DCHS1: variants seen among roughly 807,000 people sequenced by gnomAD.
The protein encoded by DCHS1 is dachsous cadherin-related 1.
Under a neutral mutation model 213.9 loss-of-function variants are expected in DCHS1, and 78 were observed. The ratio of observed to expected loss-of-function variants is 0.36; its 90% CI spans 0.30 to 0.44. The LOEUF (loss-of-function observed/expected upper bound fraction) is 0.44, where lower values mean the gene tolerates loss of function less well. DCHS1 is among the 20% of genes least tolerant of loss of function. The pLI, the probability that DCHS1 is intolerant of heterozygous loss-of-function variation, is 1.00. For synonymous variants in DCHS1, 1,828 were observed against 1,873.7 expected, an observed-to-expected ratio of 0.98 and a Z score of 0.63; for missense variants, 3,946 against 4,395.9, an observed-to-expected ratio of 0.90 and a Z score of 2.89.
At chr11:6,654,341 A>G (rs570815313) in intron 1 of DCHS1, among the ~76,000 whole-genome samples, 1 of 152,304 alleles carries the variant, frequency 6.6e-6, no homozygotes, top group East Asian at 1.9e-4. Flanking sequence ...AGTAAACCTA[A>G]TAAGATGTGC....
At chr11:6,648,777 A>G (rs1856203093) in intron 1 of DCHS1, among the ~76,000 whole-genome samples, 1 of 152,190 alleles carries the variant, frequency 6.6e-6, no homozygotes, top group Non-Finnish European at 1.5e-5. Context: ...AAATAAGGAC[A>G]ATAATAATAC....
chr11:6,636,360 C>T (rs999533441), intron 2 of DCHS1, among the ~76,000 whole-genome samples: 1 of 151,998 alleles, frequency 6.6e-6, no homozygotes, highest in Non-Finnish European at 1.5e-5. Context: ...CAGGCGTGCA[C>T]CACCATGCCT....
Position 6,626,141 on chromosome 11 carries a change from C to G in DCHS1, c.6576+28G>C, listed in dbSNP as rs761937852. The G allele has an allele frequency of 6.9e-6, 11 of 1,595,330 alleles. No homozygotes were observed. In the East Asian group the frequency reaches 1.8e-4, roughly 27 times the overall value. On this transcript the variant is annotated intron_variant, in intron 16 of 20. Coordinates refer to ENST00000299441, the MANE Select transcript of DCHS1 (RefSeq NM_003737.4). The surrounding 1 kb of genome is among the most constrained non-coding windows in gnomAD (Gnocchi z 5.2). The stretch of plus-strand genomic sequence containing the variant: ...ACAAGTCTGACTAGCCCTGCTCCCC[C>G]GCCCAATCTTTCCATCACACCCCGC...
At chr11:6,652,217 C>T (rs72911061) in intron 1 of DCHS1, among the ~76,000 whole-genome samples, 9,884 of 152,094 alleles carry the variant, frequency 0.065, 397 homozygotes, top group South Asian at 0.11. Flanking sequence ...AGAAGCCAAA[C>T]AACAAAAACA....
intron 6 of DCHS1, 26 bp from the exon 7 acceptor site, chr11:6,631,835 T>C (rs1182330296): frequency 6.6e-7 from 1 of 1,507,712 alleles, no homozygotes; most frequent in Admixed American, 2.3e-5. Context: ...GGCGATCATG[T>C]ACGAGATGTT....
chr11:6,637,045 T>A (rs1039547430), intron 2 of DCHS1, among the ~76,000 whole-genome samples: 1 of 152,222 alleles, frequency 6.6e-6, no homozygotes, highest in African/African-American at 2.4e-5. Flanking sequence ...GGTATATCAA[T>A]CAACCAGGGA....
chr11:6,649,777 TC>T (rs1482347391), intron 1 of DCHS1, among the ~76,000 whole-genome samples: 1 of 151,904 alleles, frequency 6.6e-6, no homozygotes, highest in African/African-American at 2.4e-5. Context: ...ACCCTGACAA[TC>T]AGGGTCTAGG....
chr11:6,641,204 T>C lies in DCHS1; in HGVS notation c.410A>G (p.Asn137Ser). The change falls in exon 2 of 21, where the codon AAC becomes AGC. Residue 137 changes from asparagine (N) to serine (S), a missense_variant. Coordinates refer to ENST00000299441, the MANE Select transcript of DCHS1 (RefSeq NM_003737.4). The surrounding 1 kb of genome is among the most constrained non-coding windows in gnomAD (Gnocchi z 7.1). ...CTGTGGGAAGGCTGGAGCATGGTCG[T>C]TGATGTCAGCCACTCGCACTGTAAC... ...VEVTVRVADI[N>S]DHAPAFPQAR... 1 of 1,613,676 alleles carries C rather than the reference T, an allele frequency of 6.2e-7. No individual in the cohort carries two copies. Among genetic ancestry groups the C allele is most frequent in the Non-Finnish European group, 8.5e-7 (1 of 1,179,882 alleles).
Position 6,655,757 on chromosome 11 carries a change from C to T in DCHS1, c.-315G>A. On this transcript the variant is annotated 5_prime_UTR_variant, in exon 1 of 21. Transcript: ENST00000299441. ...GGCCGTCGATCGGTCCGTCCGCTGA[C>T]GCCCGGGCGCCGCCTCCTGCACAGC... The T allele has an allele frequency of 1.0e-6, 1 of 980,638 alleles. No individual in the cohort carries two copies. The highest frequency in any genetic ancestry group is 1.2e-6 in the Non-Finnish European group (1 of 827,998). 60.7% of individuals were successfully genotyped at this position (980,638 alleles called of 1,614,324 possible). A position where few individuals can be genotyped will look rare whatever the true frequency, so the allele number is the denominator to read the frequency against.
At position 6,623,063 on chromosome 11, in the gene DCHS1, C is replaced by T. The variant is rs751469109; in HGVS notation, c.8613G>A (p.Arg2871=). 7.6e-6 allele frequency: 12 copies of T among 1,584,662 alleles called. No homozygotes were observed. In the African/African-American group the frequency reaches 9.4e-5, roughly 12 times the overall value. The change falls in exon 21 of 21, where the codon CGG becomes CGA. Residue 2871 remains arginine, a synonymous_variant. Transcript: ENST00000299441. ...INQTTGALYL[R]VDSRAPGSGT... ...CGCTGCCTGGTGCCCGACTGTCCAC[C>T]CGCAGGTACAGGGCTCCTGTAGTCT...
chr11:6,630,536 G>C lies in DCHS1; in HGVS notation c.4258C>G (p.Leu1420Val). 1 of 1,531,402 alleles carries C rather than the reference G, an allele frequency of 6.5e-7. No individual in the cohort carries two copies. Among genetic ancestry groups the C allele is most frequent in the Non-Finnish European group, 8.7e-7 (1 of 1,145,678 alleles). 94.9% of individuals were successfully genotyped at this position (1,531,402 alleles called of 1,614,324 possible). ...EGPGGAGARL[L>V]RVQVQVQDEN... ...TCCTGCACTTGCACCTGCACTCGCA[G>C]CAGCCGCGCGCCCGCGCCTCCCGGC... The change falls in exon 10 of 21, where the codon CTG (leucine) becomes GTG (valine). Residue 1420 changes from leucine (L) to valine (V), a missense_variant. Around this residue, in one of 3 missense-constraint regions of DCHS1, gnomAD observed 3,384 missense variants for 3,780.1 expected, o/e 0.90. Coordinates refer to ENST00000299441, the MANE Select transcript of DCHS1 (RefSeq NM_003737.4).
intron 2 of DCHS1, among the ~76,000 whole-genome samples, chr11:6,635,832 T>C (rs568095468): frequency 6.6e-6 from 1 of 152,316 alleles, no homozygotes; most frequent in South Asian, 2.1e-4. Context: ...TGTCAGGAAG[T>C]GACCCCAAAA....
At chr11:6,639,572 A>G (rs1409012396) in intron 2 of DCHS1, among the ~76,000 whole-genome samples, 1 of 152,140 alleles carries the variant, frequency 6.6e-6, no homozygotes, top group African/African-American at 2.4e-5. Flanking sequence ...TCATTTCTCC[A>G]CTAGATCCAA....
At chr11:6,631,974 G>A in intron 6 of DCHS1, 57 bp downstream of exon 6, 2 of 1,480,710 alleles carry the variant, frequency 1.4e-6, no homozygotes, top group Admixed American at 2.4e-5. Flanking sequence ...CTGTCTGAAT[G>A]TTCACCAGGC....
Position 6,625,172 on chromosome 11 carries a change from GT to G in DCHS1, c.7146+25del, listed in dbSNP as rs1855773221. ...CAACAGGAACAACCCAGGCCCAGGT[GT>G]AGGTGGATCCATGGGTGTCAATACC... is the stretch of plus-strand genomic sequence containing the variant. On this transcript the variant is annotated intron_variant, in intron 19 of 20. Coordinates refer to ENST00000299441, the MANE Select transcript of DCHS1 (RefSeq NM_003737.4). This position sits in a 1 kb window ranked among gnomAD's most constrained non-coding sequence, Gnocchi z 5.3. The G allele has an allele frequency of 6.4e-7, 1 of 1,557,826 alleles. No individual in the cohort carries two copies. The highest frequency in any genetic ancestry group is 1.9e-5 in the Admixed American group (1 of 53,584).
At chr11:6,653,060 T>C (rs150719956) in intron 1 of DCHS1, among the ~76,000 whole-genome samples, 122 of 152,326 alleles carry the variant, frequency 8.0e-4, no homozygotes, top group African/African-American at 2.8e-3. Flanking sequence ...TCCAATGATT[T>C]GGTGACTCTC....
rs749264593 is a variant in DCHS1 at position 6,633,383 on chromosome 11, C to A, written c.2455+29G>T. ...GTTATACTGGGGTATTTGGGTCTGA[C>A]ACCAAGTGGGTATAAAGCTAAATGA... On this transcript the variant is annotated intron_variant, in intron 5 of 20. Transcript: ENST00000299441. The A allele has an allele frequency of 8.4e-6, 13 of 1,542,766 alleles. No individual in the cohort carries two copies. In the East Asian group the frequency reaches 3.2e-4, roughly 38 times the overall value.
chr11:6,643,064 A>G (rs1029950454), intron 1 of DCHS1, among the ~76,000 whole-genome samples: 1 of 152,286 alleles, frequency 6.6e-6, no homozygotes, highest in Non-Finnish European at 1.5e-5. Context: ...CCAGCTGGAT[A>G]AAGGTGTCCT....
rs1307078249 is a variant in DCHS1 at position 6,625,026 on chromosome 11, C to T, written c.7147-158G>A. ...TCGAATGGGAAATGCCCACCTTCTC[C>T]CCTTTCTGGGTACAGGATGCAAAAC... is the stretch of plus-strand genomic sequence containing the variant. On this transcript the variant is annotated intron_variant, in intron 19 of 20. Transcript: ENST00000299441. The surrounding 1 kb of genome is among the most constrained non-coding windows in gnomAD (Gnocchi z 5.3). 1.3e-5 allele frequency among the ~76,000 whole-genome samples: 2 copies of T among 152,224 alleles called. No individual in the cohort carries two copies. Among genetic ancestry groups the T allele is most frequent in the African/African-American group, 4.8e-5 (2 of 41,440 alleles).
Sources: allele counts gnomAD v4.1 joint callset (sites outside exome capture counted in the v4.1 genomes callset), GRCh38; gene constraint gnomAD v4.1.1; regional missense constraint gnomAD v4.1.1; non-coding constraint Gnocchi (gnomAD v3.1); transcripts MANE v1.5; gene names NCBI Gene and HGNC (gene_info 2026-07-23, HGNC 2026-07-21).